HAVCR2: variants seen among roughly 807,000 people sequenced by gnomAD.
HAVCR2 encodes the protein hepatitis A virus cellular receptor 2, also known as T cell immunoglobulin mucin 3.
Under a neutral mutation model 24.7 loss-of-function variants are expected in HAVCR2, and 13 were observed. That is an observed-to-expected ratio of 0.53 (90% CI 0.34 to 0.84). HAVCR2 has a LOEUF of 0.84. Among genes scored for constraint, HAVCR2 ranks in the 40% least tolerant of loss-of-function variants. The pLI, the probability that HAVCR2 is intolerant of heterozygous loss-of-function variation, is 0.01. For missense variants in HAVCR2, 343 were observed against 371.2 expected (o/e 0.92, Z 0.62); for synonymous variants, 154 against 143.4 (o/e 1.07, Z -0.53).
intron 2 of HAVCR2, among the ~76,000 whole-genome samples, chr5:157,105,320 T>C (rs1167058110): frequency 6.6e-6 from 1 of 152,174 alleles, no homozygotes. Context: ...CACCTCAGCC[T>C]CCCAAAGTGC....
rs183357566 is a variant in HAVCR2, at chr5:157,108,179, T to A, written c.58+747A>T. Among the ~76,000 whole-genome samples the A allele has an allele frequency of 1.1e-4, 16 of 152,092 alleles. No homozygotes were observed. The East Asian group carries it at 2.9e-3, about 27-fold the overall frequency. The stretch of plus-strand genomic sequence containing the variant: ...CTACAGTAAAAACATTCAAACACTA[T>A]CAAAGGTGTATGAAAAAGTGGCCGG... On this transcript the variant is annotated intron_variant, in intron 1 of 6. Coordinates refer to ENST00000307851, the MANE Select transcript of HAVCR2 (RefSeq NM_032782.5).
intron 3 of HAVCR2, 50 bp downstream of exon 3, chr5:157,104,616 T>C: frequency 3.0e-6 from 4 of 1,320,340 alleles, no homozygotes; most frequent in Non-Finnish European, 4.3e-6. Context: ...CAAAATCCTC[T>C]GAATTCAGAG....
intron 3 of HAVCR2, 127 bp from the exon 4 acceptor site, chr5:157,099,028 C>T: frequency 1.2e-6 from 1 of 808,852 alleles, no homozygotes; most frequent in Admixed American, 3.1e-5. Flanking sequence ...ATGAATTCTA[C>T]TCCGTACTTG....
At chr5:157,098,406 T>TTA (rs1454892155) in intron 4 of HAVCR2, among the ~76,000 whole-genome samples, 1 of 138,300 alleles carries the variant, frequency 7.2e-6, no homozygotes, top group Admixed American at 7.2e-5. Flanking sequence ...AAATTCTGTC[T>TTA]AAAAAAAAAA....
chr5:157,091,506 G>A (rs1408215687), intron 5 of HAVCR2, among the ~76,000 whole-genome samples: 3 of 152,084 alleles, frequency 2.0e-5, no homozygotes, highest in Non-Finnish European at 4.4e-5. Context: ...CTGAAGGTCA[G>A]TGGTGAGCTT....
chr5:157,095,529 T>G, intron 4 of HAVCR2, 70 bp from the exon 5 acceptor site: 1 of 1,553,468 alleles, frequency 6.4e-7, no homozygotes, highest in African/African-American at 1.4e-5. Flanking sequence ...CTTCAAGATT[T>G]GTGAATTGGA....
intron 1 of HAVCR2, among the ~76,000 whole-genome samples, chr5:157,107,945 T>C (rs1209767625): frequency 1.4e-5 from 2 of 145,148 alleles, no homozygotes; most frequent in Non-Finnish European, 2.9e-5. Context: ...AAAATCATCT[T>C]CTGAGAAAGT....
At chr5:157,089,285 G>T (rs780144822) in intron 5 of HAVCR2, among the ~76,000 whole-genome samples, 2 of 152,076 alleles carry the variant, frequency 1.3e-5, no homozygotes. Context: ...CGAAGCTCAC[G>T]CTCTCCTGTG....
rs1173615225 is a variant in HAVCR2, at chr5:157,087,097, TG to T, written c.*4del. 1 of 1,610,028 alleles carries T rather than the reference TG, an allele frequency of 6.2e-7. No homozygotes were observed. The highest frequency in any genetic ancestry group is 8.5e-7 in the Non-Finnish European group (1 of 1,179,064). On this transcript the variant is annotated 3_prime_UTR_variant, in exon 7 of 7. Coordinates refer to ENST00000307851, the MANE Select transcript of HAVCR2 (RefSeq NM_032782.5). ...ACACCAAGCTCAAAAATAAGGTGGT[TG>T]GATCTATGGCATTGCAAAGCGACAA...
chr5:157,095,368 A>G lies in HAVCR2; in HGVS notation c.614T>C (p.Ile205Thr), dbSNP rs1757080689. 2 of 1,614,150 alleles carry G rather than the reference A, an allele frequency of 1.2e-6. No homozygotes were observed. The highest frequency in any genetic ancestry group is 1.3e-5 in the African/African-American group (1 of 75,048). ...SGATIRIGIY[I>T]GAGICAGLAL... ...CAGCCCAGCACAGATCCCTGCTCCG[A>G]TGTAGATGCCTATTCTGATGGTTGC... Residue 205 changes from isoleucine to threonine, a missense_variant, in exon 5 of 7, where the codon ATC becomes ACC. Ile to Thr is a moderately conservative substitution (Grantham distance 89, BLOSUM62 -1). Coordinates refer to ENST00000307851, the MANE Select transcript of HAVCR2 (RefSeq NM_032782.5).
At chr5:157,088,825 T>C in intron 6 of HAVCR2, 116 bp downstream of exon 6, 2 of 868,706 alleles carry the variant, frequency 2.3e-6, no homozygotes, top group South Asian at 3.0e-5. Flanking sequence ...AAGAAGGAAG[T>C]ATAAACTCAG....
rs151168766 is a variant in HAVCR2, at chr5:157,095,158, G to A, written c.676+148C>T. The A allele has an allele frequency of 1.9e-5, 14 of 742,416 alleles. No individual in the cohort carries two copies. The African/African-American group carries it at 2.0e-4, about 10-fold the overall frequency. 46.0% of individuals were successfully genotyped at this position (742,416 alleles called of 1,614,324 possible). On this transcript the variant is annotated intron_variant, in intron 5 of 6. Transcript: ENST00000307851. ...CACAATAAATATTAAATAAAAATTA[G>A]CCATTATTGTTAGGATTTGGATGGA...
chr5:157,103,320 G>A (rs1024066488), intron 3 of HAVCR2, among the ~76,000 whole-genome samples: 9 of 151,622 alleles, frequency 5.9e-5, no homozygotes, highest in African/African-American at 1.9e-4. Flanking sequence ...GCAGTGAGCC[G>A]AGATTGCGCC....
At chr5:157,098,126 G>C (rs1420769112) in intron 4 of HAVCR2, among the ~76,000 whole-genome samples, 1 of 151,940 alleles carries the variant, frequency 6.6e-6, no homozygotes, top group Non-Finnish European at 1.5e-5. Context: ...ACAAAATTAG[G>C]CCAGGTGCCA....
intron 3 of HAVCR2, among the ~76,000 whole-genome samples, chr5:157,100,957 G>C (rs1032694580): frequency 2.0e-5 from 3 of 151,984 alleles, no homozygotes; most frequent in African/African-American, 7.2e-5. Flanking sequence ...TTAGCCGGGC[G>C]TGGTGGTGTA....
intron 4 of HAVCR2, 37 bp from the exon 5 acceptor site, chr5:157,095,496 C>G: frequency 6.2e-7 from 1 of 1,611,146 alleles, no homozygotes; most frequent in Non-Finnish European, 8.5e-7. Flanking sequence ...CAGAAAACAG[C>G]TAGAAATCGC....
Position 157,086,925 on chromosome 5 carries a change from A to C in HAVCR2, c.*177T>G. 1.7e-6 allele frequency: 1 copy of C among 578,722 alleles called. No individual in the cohort carries two copies. Among genetic ancestry groups the C allele is most frequent in the Non-Finnish European group, 3.0e-6 (1 of 335,060 alleles). The allele number at this position is 578,722 out of a possible 1,614,324, so 35.8% of individuals were successfully genotyped here. On this transcript the variant is annotated 3_prime_UTR_variant, in exon 7 of 7. Transcript: ENST00000307851. ...TTGGCTTAAATACAGAGGCAATGAC[A>C]TGCCTGTTTAAGTTCAGTGCAGGTC...
At position 157,088,989 on chromosome 5, in the gene HAVCR2, G is replaced by A. The variant is rs1244565223; in HGVS notation, c.677-12C>T. ...GCTATGAGAATACCCTAGTAAGGGG[G>A]AAACAAAAGCCAATAAAAATGCATT... On this transcript the variant is annotated splice_polypyrimidine_tract_variant and intron_variant, in intron 5 of 6. Transcript: ENST00000307851. 1.9e-6 allele frequency: 3 copies of A among 1,595,670 alleles called. No homozygotes were observed. The highest frequency in any genetic ancestry group is 8.5e-7 in the Non-Finnish European group (1 of 1,172,758).
At chr5:157,101,498 A>G (rs1411900953) in intron 3 of HAVCR2, among the ~76,000 whole-genome samples, 1 of 152,252 alleles carries the variant, frequency 6.6e-6, no homozygotes, top group Admixed American at 6.5e-5. Flanking sequence ...GCTTAGCACC[A>G]TATACATACA....
Sources: gnomAD v4.1 joint callset for allele counts (sites outside exome capture counted in the v4.1 genomes callset) on GRCh38, gnomAD v4.1.1 for gene constraint, MANE v1.5 for transcripts, NCBI Gene and HGNC (gene_info 2026-07-23, HGNC 2026-07-21) for gene names.